The following MYO3A variants were observed in gnomAD, a reference collection of about 807,000 sequenced individuals.
The protein encoded by MYO3A is myosin-IIIa.
Under a neutral mutation model 192.7 loss-of-function variants are expected in MYO3A, and 180 were observed. The observed-to-expected ratio is 0.93, with a 90% CI of 0.83 to 1.06. MYO3A has a LOEUF of 1.06. Among genes scored for constraint, MYO3A ranks in the 50% least tolerant of loss-of-function variants. The pLI is 0.00. For missense variants in MYO3A, 1,896 were observed against 1,905.0 expected (o/e 1.00, Z 0.09); for synonymous variants, 628 against 645.3 (o/e 0.97, Z 0.41).
At chr10:25,985,237 C>CAAAA (rs1157598256) in intron 4 of MYO3A, among the ~76,000 whole-genome samples, 8 of 79,796 alleles carry the variant, frequency 1.0e-4, no homozygotes, top group South Asian at 4.5e-4. Context: ...GACTCTGTCT[C>CAAAA]AAAAAAAAAA....
chr10:26,203,203 G>C, intron 34 of MYO3A, 96 bp downstream of exon 34: 1 of 1,314,568 alleles, frequency 7.6e-7, no homozygotes, highest in East Asian at 2.5e-5. Flanking sequence ...GAATGACAAA[G>C]CACTCTTACT....
chr10:26,015,984 T>C (rs528332148), intron 6 of MYO3A, among the ~76,000 whole-genome samples: 2 of 152,190 alleles, frequency 1.3e-5, no homozygotes, highest in East Asian at 3.9e-4. Context: ...GGAAATCAGG[T>C]AGTAAAAGCC....
intron 4 of MYO3A, among the ~76,000 whole-genome samples, chr10:25,963,517 C>G (rs1232510362): frequency 6.6e-6 from 1 of 152,142 alleles, no homozygotes; most frequent in Admixed American, 6.5e-5. Context: ...GAATATAAAG[C>G]CTTTGCGGAC....
intron 12 of MYO3A, 121 bp downstream of exon 12, chr10:26,069,005 T>C (rs1333125067): frequency 1.4e-6 from 1 of 708,560 alleles, no homozygotes; most frequent in East Asian, 3.0e-5. Flanking sequence ...AGTTACATAA[T>C]TTTTGTTAAA....
intron 10 of MYO3A, among the ~76,000 whole-genome samples, chr10:26,039,100 G>T (rs1302215357): frequency 6.6e-6 from 1 of 151,958 alleles, no homozygotes; most frequent in Non-Finnish European, 1.5e-5. Context: ...GAGTGCAATG[G>T]CGTGATCTCG....
At chr10:26,115,345 T>C (rs1838437288) in intron 17 of MYO3A, among the ~76,000 whole-genome samples, 1 of 152,220 alleles carries the variant, frequency 6.6e-6, no homozygotes, top group African/African-American at 2.4e-5. Context: ...CCTTGACAGA[T>C]AAATATGCAA....
chr10:25,998,833 A>C (rs934701833), intron 6 of MYO3A, among the ~76,000 whole-genome samples: 3 of 152,200 alleles, frequency 2.0e-5, no homozygotes, highest in Non-Finnish European at 4.4e-5. Flanking sequence ...TTTCCTCCAA[A>C]ATAAACTAGA....
chr10:25,968,020 A>T (rs1252817119), intron 4 of MYO3A, among the ~76,000 whole-genome samples: 1 of 152,160 alleles, frequency 6.6e-6, no homozygotes, highest in Non-Finnish European at 1.5e-5. Context: ...GGAGGATATC[A>T]TTTAAATAAT....
chr10:26,150,130 C>A (rs1199267501), intron 23 of MYO3A, among the ~76,000 whole-genome samples: 1 of 151,890 alleles, frequency 6.6e-6, no homozygotes. Context: ...CTATTATGAA[C>A]AATGCTGTAT....
intron 4 of MYO3A, among the ~76,000 whole-genome samples, chr10:25,958,900 A>G (rs1197496744): frequency 6.6e-6 from 1 of 151,816 alleles, no homozygotes; most frequent in Non-Finnish European, 1.5e-5. Context: ...GGTTAGCTGT[A>G]TTCCTAGGTA....
chr10:26,042,860 T>C (rs1278445538), intron 10 of MYO3A, among the ~76,000 whole-genome samples: 2 of 152,214 alleles, frequency 1.3e-5, no homozygotes, highest in Admixed American at 6.5e-5. Flanking sequence ...CTGGATAGTT[T>C]TGATGCTTGT....
intron 17 of MYO3A, among the ~76,000 whole-genome samples, chr10:26,116,155 A>C (rs1324732773): frequency 1.3e-5 from 2 of 152,174 alleles, no homozygotes; most frequent in Non-Finnish European, 2.9e-5. Flanking sequence ...TTTGTAGCTT[A>C]AACCACAGAA....
chr10:26,161,950 G>T (rs1841505325), intron 26 of MYO3A, among the ~76,000 whole-genome samples: 1 of 152,082 alleles, frequency 6.6e-6, no homozygotes, highest in Non-Finnish European at 1.5e-5. Flanking sequence ...TCCAGTCCTT[G>T]AACTAAAAAT....
chr10:25,939,330 C>T (rs1471856296), intron 2 of MYO3A, among the ~76,000 whole-genome samples: 1 of 151,626 alleles, frequency 6.6e-6, no homozygotes, highest in East Asian at 1.9e-4. Flanking sequence ...TTTATGAATC[C>T]CCTAATCTTT....
At position 26,143,451 on chromosome 10, in the gene MYO3A, G is replaced by A. The variant is rs1840282510; in HGVS notation, c.2266G>A (p.Glu756Lys). The A allele has an allele frequency of 2.5e-6, 4 of 1,610,304 alleles. No individual in the cohort carries two copies. The highest frequency in any genetic ancestry group is 3.4e-6 in the Non-Finnish European group (4 of 1,176,774). ...AGTGGTTTTGTCTTTATTATAGAAT[G>A]AATACCTAAATGAAGATGTGGATGC... ...NQHVFAWEQN[E>K]YLNEDVDARV... is the part of the protein sequence containing the mutation. The change falls in exon 21 of 35, where the codon GAA becomes AAA. Residue 756 changes from glutamate (E) to lysine (K), a missense_variant. Transcript: ENST00000642920.
chr10:26,024,198 C>A, intron 9 of MYO3A, 111 bp downstream of exon 9: 2 of 1,066,058 alleles, frequency 1.9e-6, no homozygotes, highest in Non-Finnish European at 2.8e-6. Context: ...CTATTATTTT[C>A]TTCAAAGGAA....
chr10:26,076,877 A>G (rs1260227371), intron 14 of MYO3A, among the ~76,000 whole-genome samples: 1 of 152,130 alleles, frequency 6.6e-6, no homozygotes, highest in African/African-American at 2.4e-5. Context: ...TACGAGTACC[A>G]TGCTGTTTTG....
At chr10:26,007,226 G>A (rs567152587) in intron 6 of MYO3A, among the ~76,000 whole-genome samples, 14 of 150,206 alleles carry the variant, frequency 9.3e-5, no homozygotes, top group African/African-American at 3.5e-4. Context: ...TTGATTGGAC[G>A]TGTCTCAAAA....
At chr10:26,145,059 A>G (rs1177914670) in intron 21 of MYO3A, among the ~76,000 whole-genome samples, 3 of 152,056 alleles carry the variant, frequency 2.0e-5, no homozygotes, top group South Asian at 2.1e-4. Flanking sequence ...GGCTCCTGTA[A>G]TCCCAGCTAC....
Sources: gnomAD v4.1 joint callset for allele counts (sites outside exome capture counted in the v4.1 genomes callset) on GRCh38, gnomAD v4.1.1 for gene constraint, MANE v1.5 for transcripts, NCBI Gene and HGNC (gene_info 2026-07-23, HGNC 2026-07-21) for gene names.